The following DENND2C variants were observed in gnomAD, a reference collection of about 807,000 sequenced individuals.
The protein encoded by DENND2C is DENN domain containing 2C.
In DENND2C, 72 loss-of-function variants were observed where a neutral mutation model predicts 112.4. The observed-to-expected ratio is 0.64, with a 90% CI of 0.53 to 0.78. DENND2C has a LOEUF of 0.78. Among genes scored for constraint, DENND2C ranks in the 30% least tolerant of loss-of-function variants. DENND2C has a pLI of 0.00. For synonymous variants in DENND2C, 329 were observed against 381.6 expected, an observed-to-expected ratio of 0.86 and a Z score of 1.61; for missense variants, 992 against 1,113.8, an observed-to-expected ratio of 0.89 and a Z score of 1.56.
rs1000700813 is a variant in DENND2C, at chr1:114,652,885, C to T, written c.-317+1620G>A. Among the ~76,000 whole-genome samples the T allele has an allele frequency of 2.0e-5, 3 of 151,722 alleles. No homozygotes were observed. The East Asian group carries it at 5.8e-4, about 29-fold the overall frequency. Reference sequence around the variant, plus strand: ...ATAATCTCGAGATTACTTATAATACCTAATGCAACGTAAATGCTATGTAAA... The same window carrying T: ...ATAATCTCGAGATTACTTATAATACTTAATGCAACGTAAATGCTATGTAAA... On this transcript the variant is annotated intron_variant, in intron 2 of 20. Coordinates refer to ENST00000393274, the MANE Select transcript of DENND2C (RefSeq NM_001256404.2).
chr1:114,615,243 G>A (rs534187537), intron 8 of DENND2C, among the ~76,000 whole-genome samples: 7 of 152,260 alleles, frequency 4.6e-5, no homozygotes, highest in Admixed American at 3.3e-4. Context: ...TACCTGGCAC[G>A]AGTTTTCATT....
At chr1:114,599,246 A>T (rs762666027) in intron 16 of DENND2C, 28 bp downstream of exon 16, 1 of 1,547,314 alleles carries the variant, frequency 6.5e-7, no homozygotes, top group East Asian at 2.3e-5. Context: ...TCAATGCTCC[A>T]ATATTAGGTT....
At chr1:114,611,254 T>A (rs947902042) in intron 8 of DENND2C, 137 bp from the exon 9 acceptor site, 1 of 921,172 alleles carries the variant, frequency 1.1e-6, no homozygotes, top group African/African-American at 1.7e-5. Context: ...CCAAACCACT[T>A]GGTTGTATCA....
intron 1 of DENND2C, among the ~76,000 whole-genome samples, chr1:114,669,699 T>C (rs1570830786): frequency 2.0e-5 from 3 of 151,908 alleles, no homozygotes; most frequent in South Asian, 2.1e-4. Context: ...CCCAAGCCCC[T>C]GAGGTAGCGA....
chr1:114,623,689 A>G, intron 4 of DENND2C, 46 bp from the exon 5 acceptor site: 1 of 1,365,464 alleles, frequency 7.3e-7, no homozygotes, highest in Non-Finnish European at 9.7e-7. Flanking sequence ...TCAAAACTCT[A>G]ATCTTTATTT....
intron 8 of DENND2C, among the ~76,000 whole-genome samples, chr1:114,615,806 T>G (rs765749759): frequency 2.0e-5 from 3 of 152,254 alleles, no homozygotes; most frequent in Admixed American, 6.5e-5. Flanking sequence ...CCGGGCGCAG[T>G]GGCTCACGCC....
intron 8 of DENND2C, among the ~76,000 whole-genome samples, 156 bp from the exon 9 acceptor site, chr1:114,611,273 T>C (rs749859961): frequency 1.3e-5 from 2 of 152,160 alleles, no homozygotes; most frequent in Non-Finnish European, 2.9e-5. Flanking sequence ...CAAGTTGGGA[T>C]AGTTACCAAA....
At chr1:114,662,224 CA>C (rs1657511770) in intron 1 of DENND2C, among the ~76,000 whole-genome samples, 1 of 152,038 alleles carries the variant, frequency 6.6e-6, no homozygotes, top group Admixed American at 6.6e-5. Context: ...TATTTAAATA[CA>C]AAATTATGCT....
intron 1 of DENND2C, among the ~76,000 whole-genome samples, chr1:114,662,047 C>T (rs944373211): frequency 2.0e-5 from 3 of 152,076 alleles, no homozygotes; most frequent in African/African-American, 7.2e-5. Context: ...ACATAATTTT[C>T]CCCTTTTGTT....
At chr1:114,642,166 G>T (rs1656856681) in intron 3 of DENND2C, among the ~76,000 whole-genome samples, 1 of 152,048 alleles carries the variant, frequency 6.6e-6, no homozygotes, top group Admixed American at 6.6e-5. Context: ...GGGCCGGCTG[G>T]TCTCAAACTC....
chr1:114,652,197 T>C (rs975901788), intron 2 of DENND2C, among the ~76,000 whole-genome samples: 3 of 152,012 alleles, frequency 2.0e-5, no homozygotes, highest in African/African-American at 7.3e-5. Flanking sequence ...AAGGATGAGG[T>C]AGAGATCTGT....
At chr1:114,638,576 T>C (rs545555518) in intron 3 of DENND2C, among the ~76,000 whole-genome samples, 11 of 151,962 alleles carry the variant, frequency 7.2e-5, no homozygotes, top group South Asian at 4.2e-4. Flanking sequence ...CCTGGCAACA[T>C]AGTAAAACTC....
chr1:114,637,369 CAA>C (rs71575188), intron 3 of DENND2C, among the ~76,000 whole-genome samples: 158 of 127,684 alleles, frequency 1.2e-3, no homozygotes, highest in Middle Eastern at 4.3e-3. Flanking sequence ...GACTCTGTCT[CAA>C]AAAAAAAAAA....
chr1:114,646,239 T>A (rs1018821802), intron 2 of DENND2C, among the ~76,000 whole-genome samples: 1 of 152,198 alleles, frequency 6.6e-6, no homozygotes, highest in African/African-American at 2.4e-5. Context: ...TTATTCATTG[T>A]TAAAACATCA....
chr1:114,606,327 G>A (rs993119869), intron 10 of DENND2C, among the ~76,000 whole-genome samples: 2 of 152,246 alleles, frequency 1.3e-5, no homozygotes, highest in Non-Finnish European at 2.9e-5. Context: ...TAAACTTACT[G>A]ATTATTTACT....
At chr1:114,603,359 G>A (rs1157442470) in intron 11 of DENND2C, among the ~76,000 whole-genome samples, 6 of 151,608 alleles carry the variant, frequency 4.0e-5, no homozygotes, top group Admixed American at 3.3e-4. Flanking sequence ...GGCTGGTCTC[G>A]AACTCCTGAC....
intron 3 of DENND2C, among the ~76,000 whole-genome samples, chr1:114,641,996 TG>T (rs1222877111): frequency 1.3e-5 from 2 of 152,092 alleles, no homozygotes; most frequent in Non-Finnish European, 1.5e-5. Flanking sequence ...TCTGTCACCT[TG>T]GCTGGAGTGA....
intron 8 of DENND2C, among the ~76,000 whole-genome samples, chr1:114,614,902 T>C (rs1655921604): frequency 6.6e-6 from 1 of 151,888 alleles, no homozygotes; most frequent in African/African-American, 2.4e-5. Flanking sequence ...TAATCACAGC[T>C]ACTCGGGAGG....
rs752994654 is a variant in DENND2C, at chr1:114,612,728, C to T, written c.1325-1611G>A. ...AGAGACAGGGTTTCACCGTGTTGGT[C>T]AGGCTGGTCTTGAATTCCTGACCTC... On this transcript the variant is annotated intron_variant, in intron 8 of 20. Coordinates refer to ENST00000393274, the MANE Select transcript of DENND2C (RefSeq NM_001256404.2). Among the ~76,000 whole-genome samples the T allele has an allele frequency of 2.0e-5, 3 of 152,144 alleles. No individual in the cohort carries two copies. In the South Asian group the frequency reaches 6.2e-4, roughly 32 times the overall value.
Sources: gnomAD v4.1 joint callset for allele counts (sites outside exome capture counted in the v4.1 genomes callset) on GRCh38, gnomAD v4.1.1 for gene constraint, MANE v1.5 for transcripts, NCBI Gene and HGNC (gene_info 2026-07-23, HGNC 2026-07-21) for gene names.